CDC27: variants seen among roughly 807,000 people sequenced by gnomAD.
CDC27 encodes the protein cell division cycle 27, also known as cell division cycle protein 27 homolog.
CDC27 carries 27 observed loss-of-function variants against 109.7 expected under a neutral mutation model. That is an observed-to-expected ratio of 0.25 (90% CI 0.18 to 0.34). The LOEUF is 0.34. CDC27 is among the 10% of genes least tolerant of loss of function. The pLI, the probability that CDC27 is intolerant of heterozygous loss-of-function variation, is 1.00. For missense variants in CDC27, 579 were observed against 960.2 expected (o/e 0.60, Z 5.25); for synonymous variants, 266 against 333.9 (o/e 0.80, Z 2.22).
chr17:47,188,765 G>A (rs2064550726), intron 1 of CDC27: 3 of 1,100,826 alleles, frequency 2.7e-6, no homozygotes, highest in Non-Finnish European at 3.3e-6. Context: ...GATCACACAA[G>A]CTCCGATCAA....
At chr17:47,166,727 T>C (rs1228099254) in intron 4 of CDC27, among the ~76,000 whole-genome samples, 1 of 152,254 alleles carries the variant, frequency 6.6e-6, no homozygotes, top group Non-Finnish European at 1.5e-5. Context: ...CATTTAGTGC[T>C]ATAAATTTCG....
intron 8 of CDC27, among the ~76,000 whole-genome samples, chr17:47,152,609 A>G (rs180955998): frequency 7.7e-4 from 117 of 152,244 alleles, no homozygotes; most frequent in Admixed American, 1.3e-3. Context: ...CTATTGTATC[A>G]GTGCACTGTT....
At chr17:47,179,087 G>T (rs145390571) in intron 2 of CDC27, among the ~76,000 whole-genome samples, 1 of 152,110 alleles carries the variant, frequency 6.6e-6, no homozygotes, top group African/African-American at 2.4e-5. Context: ...TCATTCTGCT[G>T]TTCCTTCTTT....
At chr17:47,143,716 A>C (rs886602119) in intron 10 of CDC27, among the ~76,000 whole-genome samples, 167 bp downstream of exon 10, 1 of 152,168 alleles carries the variant, frequency 6.6e-6, no homozygotes, top group Non-Finnish European at 1.5e-5. Flanking sequence ...ATATTTACCA[A>C]AGGACTAATT....
chr17:47,182,676 T>G (rs1230041520), intron 1 of CDC27, among the ~76,000 whole-genome samples: 1 of 152,220 alleles, frequency 6.6e-6, no homozygotes, highest in Non-Finnish European at 1.5e-5. Flanking sequence ...GTAGCTAGAG[T>G]TCATTTGTTT....
rs2063761732 is a variant in CDC27 at position 47,169,860 on chromosome 17, T to C, written c.377+57A>G. The C allele has an allele frequency of 4.8e-6, 7 of 1,455,496 alleles. No individual in the cohort carries two copies. The Admixed American group carries it at 7.0e-5, about 15-fold the overall frequency. 90.2% of individuals were successfully genotyped at this position (1,455,496 alleles called of 1,614,324 possible). On this transcript the variant is annotated intron_variant, in intron 4 of 18. Coordinates refer to ENST00000066544, the MANE Select transcript of CDC27 (RefSeq NM_001256.6). The stretch of plus-strand genomic sequence containing the variant: ...ACTGATCAACATAGGTTTTTTAAAC[T>C]ATAAAACATACTTGTATGGAAATGC...
chr17:47,155,473 T>A (rs2063276930), intron 7 of CDC27, among the ~76,000 whole-genome samples: 1 of 152,152 alleles, frequency 6.6e-6, no homozygotes, highest in South Asian at 2.1e-4. Context: ...CTTGAGCTCC[T>A]GGTCTCAAGT....
intron 2 of CDC27, among the ~76,000 whole-genome samples, chr17:47,179,368 G>T (rs1001874668): frequency 2.0e-5 from 3 of 152,098 alleles, no homozygotes; most frequent in African/African-American, 7.2e-5. Flanking sequence ...TCTGAGGTTG[G>T]TTCAGTGGGA....
At chr17:47,121,261 A>T (rs988170015) in intron 18 of CDC27, among the ~76,000 whole-genome samples, 4 of 152,038 alleles carry the variant, frequency 2.6e-5, no homozygotes, top group African/African-American at 9.7e-5. Flanking sequence ...CTTCCTAATG[A>T]GTTCCTTATT....
At chr17:47,178,559 A>G (rs2064105201) in intron 2 of CDC27, among the ~76,000 whole-genome samples, 1 of 151,432 alleles carries the variant, frequency 6.6e-6, no homozygotes, top group East Asian at 1.9e-4. Context: ...ATAAGAAAAA[A>G]AAAAAAAAAC....
At chr17:47,176,584 C>T (rs948543417) in intron 2 of CDC27, among the ~76,000 whole-genome samples, 4 of 152,064 alleles carry the variant, frequency 2.6e-5, no homozygotes, top group Non-Finnish European at 5.9e-5. Context: ...AAAAAGATGG[C>T]CAAATTGTGC....
chr17:47,128,809 C>T (rs1226698066), intron 16 of CDC27, among the ~76,000 whole-genome samples: 17 of 141,870 alleles, frequency 1.2e-4, no homozygotes, highest in African/African-American at 2.1e-4. Flanking sequence ...CTCGCTCTGT[C>T]GCCCAGGCTG....
At chr17:47,174,504 A>C (rs957823667) in intron 2 of CDC27, among the ~76,000 whole-genome samples, 1 of 152,206 alleles carries the variant, frequency 6.6e-6, no homozygotes, top group African/African-American at 2.4e-5. Context: ...ATGGGATTAG[A>C]ATTATAAGGT....
At chr17:47,132,745 TTA>T (rs2062386412) in intron 14 of CDC27, among the ~76,000 whole-genome samples, 4 of 48,522 alleles carry the variant, frequency 8.2e-5, no homozygotes, top group African/African-American at 1.4e-4. Flanking sequence ...AAGCAGTTTA[TTA>T]TTATTATTAT....
At chr17:47,160,029 G>A (rs541254523) in intron 4 of CDC27, 12 of 228,366 alleles carry the variant, frequency 5.3e-5, no homozygotes, top group South Asian at 3.7e-4. Context: ...ACAAACTAGA[G>A]GTGGTAGGTC....
intron 7 of CDC27, among the ~76,000 whole-genome samples, chr17:47,156,283 C>T (rs769286069): frequency 7.3e-5 from 11 of 151,620 alleles, no homozygotes; most frequent in East Asian, 1.9e-4. Context: ...GATCTACAGG[C>T]GCGTGCCACC....
chr17:47,183,477 A>C (rs1295517064), intron 1 of CDC27, among the ~76,000 whole-genome samples: 1 of 152,200 alleles, frequency 6.6e-6, no homozygotes, highest in Non-Finnish European at 1.5e-5. Flanking sequence ...TAATGAACTT[A>C]GTTTGGGATC....
At chr17:47,133,438 GTTTT>G (rs200764837) in intron 14 of CDC27, among the ~76,000 whole-genome samples, 1 of 134,100 alleles carries the variant, frequency 7.5e-6, no homozygotes, top group Admixed American at 7.7e-5. Context: ...GTGCCAAGCT[GTTTT>G]TTTGTTTTTT....
At chr17:47,159,622 G>T in intron 4 of CDC27, 1 of 465,140 alleles carries the variant, frequency 2.1e-6, no homozygotes. Flanking sequence ...TGGCCCTGCA[G>T]ATGGCAGTGG....
Sources: allele counts gnomAD v4.1 joint callset (sites outside exome capture counted in the v4.1 genomes callset), GRCh38; gene constraint gnomAD v4.1.1; transcripts MANE v1.5; gene names NCBI Gene and HGNC (gene_info 2026-07-23, HGNC 2026-07-21).